Variants in RBFOX1 observed in about 807,000 individuals in gnomAD.
RBFOX1 encodes the protein RNA binding fox-1 homolog 1, also known as RNA binding protein fox-1 homolog 1.
Under a neutral mutation model 57.7 loss-of-function variants are expected in RBFOX1, and 8 were observed. The observed-to-expected ratio is 0.14, with a 90% confidence interval of 0.08 to 0.25. The LOEUF (loss-of-function observed/expected upper bound fraction) is 0.25, where lower values mean the gene tolerates loss of function less well. RBFOX1 is among the 10% of genes least tolerant of loss of function. The probability of loss-of-function intolerance (pLI) is 1.00; values close to 1 mark genes in which losing one functional copy is unlikely to be tolerated. For missense variants in RBFOX1, 611 were observed against 548.5 expected, an observed-to-expected ratio of 1.11 and a Z score of -1.14; for synonymous variants, 326 against 222.4, an observed-to-expected ratio of 1.47 and a Z score of -4.15.
At chr16:7,566,820 A>G (rs189385852) in intron 5 of RBFOX1, among the ~76,000 whole-genome samples, 6 of 152,192 alleles carry the variant, frequency 3.9e-5, no homozygotes, top group Admixed American at 2.6e-4. Context: ...AAGGGTGTCT[A>G]TGTATCCTCC....
At chr16:5,418,635 A>G (rs138478828) in intron 1 of RBFOX1, among the ~76,000 whole-genome samples, 10 of 152,134 alleles carry the variant, frequency 6.6e-5, no homozygotes, top group Middle Eastern at 6.8e-3. Flanking sequence ...CCACCCCGCC[A>G]TACCTCCCTT....
chr16:5,651,045 T>TCCC (rs1567347831), intron 3 of RBFOX1, among the ~76,000 whole-genome samples: 1 of 65,694 alleles, frequency 1.5e-5, no homozygotes, highest in African/African-American at 7.1e-5. Context: ...TCCTTCTTTT[T>TCCC]TTTTTTTTTT....
chr16:5,298,965 G>T (rs1284773217), intron 1 of RBFOX1, among the ~76,000 whole-genome samples: 1 of 129,154 alleles, frequency 7.7e-6, no homozygotes, highest in African/African-American at 3.0e-5. Flanking sequence ...AAAATGCACA[G>T]ATCTTAAGCA....
At chr16:6,288,211 C>A (rs949100897) in intron 1 of RBFOX1, among the ~76,000 whole-genome samples, 4 of 145,580 alleles carry the variant, frequency 2.7e-5, no homozygotes, top group Non-Finnish European at 6.0e-5. Flanking sequence ...TGTTTGTGGT[C>A]AACAATGCTT....
At chr16:7,028,007 AAGGAGAAGG>A (rs778268214) in intron 3 of RBFOX1, among the ~76,000 whole-genome samples, 35 of 152,064 alleles carry the variant, frequency 2.3e-4, no homozygotes, top group Non-Finnish European at 4.4e-4. Context: ...GGAAGGGAAG[AAGGAGAAGG>A]AAAGAAAGGA....
At chr16:7,625,612 G>A (rs2142280203) in intron 10 of RBFOX1, among the ~76,000 whole-genome samples, 1 of 152,266 alleles carries the variant, frequency 6.6e-6, no homozygotes, top group South Asian at 2.1e-4. Context: ...AGCTCTTGAA[G>A]CTAATTGGCC....
chr16:7,705,372 G>A lies in RBFOX1; in HGVS notation c.996-3684G>A, dbSNP rs2082099345. On this transcript the variant is annotated intron_variant, in intron 14 of 15. Transcript: ENST00000550418. ...ATAGAAAAATTAGCTGGGTGTGGTG[G>A]CAGGTACCTGTAGTCCCAGCTATTC... 2.6e-5 allele frequency among the ~76,000 whole-genome samples: 4 copies of A among 152,086 alleles called. No individual in the cohort carries two copies. The South Asian group carries it at 8.3e-4, about 32-fold the overall frequency.
intron 14 of RBFOX1, among the ~76,000 whole-genome samples, chr16:7,679,425 A>G (rs893781424): frequency 6.6e-6 from 1 of 152,206 alleles, no homozygotes; most frequent in African/African-American, 2.4e-5. Context: ...AACTTAACAG[A>G]AAAACTTCGT....
chr16:7,379,965 TC>T (rs1462611527), intron 4 of RBFOX1, among the ~76,000 whole-genome samples: 1 of 152,120 alleles, frequency 6.6e-6, no homozygotes, highest in Non-Finnish European at 1.5e-5. Flanking sequence ...AGCACAATCC[TC>T]CTGCCTCCTT....
chr16:7,315,460 C>G lies in RBFOX1; in HGVS notation c.28-202687C>G, dbSNP rs578139787. On this transcript the variant is annotated intron_variant, in intron 4 of 15. Coordinates refer to ENST00000550418, the MANE Select transcript of RBFOX1 (RefSeq NM_018723.4). Reference sequence around the variant, plus strand: ...ATTAAAGCCCTACTCTACCCTACCCCCCCCCCCATACTGGGGGCTTGAATT... The same window carrying G: ...ATTAAAGCCCTACTCTACCCTACCCGCCCCCCCATACTGGGGGCTTGAATT... Among the ~76,000 whole-genome samples the G allele has an allele frequency of 6.6e-3, 996 of 151,278 alleles. 30 individuals carry two copies. The highest frequency in any genetic ancestry group is 0.011 in the Non-Finnish European group (762 of 67,704).
chr16:6,988,246 C>A (rs1404229045), intron 3 of RBFOX1, among the ~76,000 whole-genome samples: 1 of 152,106 alleles, frequency 6.6e-6, no homozygotes, highest in Admixed American at 6.6e-5. Flanking sequence ...CTGGTTTTTC[C>A]AGGCAGGACT....
chr16:6,217,277 C>G (rs950812830), intron 1 of RBFOX1, among the ~76,000 whole-genome samples: 2 of 144,752 alleles, frequency 1.4e-5, no homozygotes, highest in African/African-American at 5.1e-5. Context: ...AAAATGTTGC[C>G]AAAAATGTCT....
At chr16:7,556,008 C>T (rs1197869124) in intron 5 of RBFOX1, among the ~76,000 whole-genome samples, 1 of 142,524 alleles carries the variant, frequency 7.0e-6, no homozygotes, top group East Asian at 1.9e-4. Flanking sequence ...GAATTGCATA[C>T]TTAGTGCTTA....
intron 1 of RBFOX1, among the ~76,000 whole-genome samples, chr16:5,458,573 G>A (rs557815515): frequency 1.3e-5 from 2 of 152,216 alleles, no homozygotes; most frequent in Admixed American, 6.5e-5. Flanking sequence ...TCAAAGGTTA[G>A]GCAAGGCCTC....
intron 1 of RBFOX1, among the ~76,000 whole-genome samples, chr16:6,279,337 G>A (rs920097511): frequency 2.6e-5 from 4 of 152,192 alleles, no homozygotes; most frequent in African/African-American, 9.6e-5. Context: ...CGTACCAAGT[G>A]CCAAGGCTGG....
rs542011660 is a variant in RBFOX1 at position 6,787,451 on chromosome 16, A to G, written c.-16+132801A>G. On this transcript the variant is annotated intron_variant, in intron 3 of 15. Transcript: ENST00000550418. ...AAATTATTTTATTTTTCTCCTGGTTATACAGTTAGAGTGTGAATTGGAGTC... is the reference window on the plus strand; with the variant it reads ...AAATTATTTTATTTTTCTCCTGGTTGTACAGTTAGAGTGTGAATTGGAGTC... 3.2e-4 allele frequency among the ~76,000 whole-genome samples: 49 copies of G among 152,306 alleles called. 1 individual carries two copies. Among genetic ancestry groups the G allele is most frequent in the Middle Eastern group, 3.4e-3 (1 of 294 alleles).
intron 3 of RBFOX1, among the ~76,000 whole-genome samples, chr16:6,743,184 G>T (rs143236169): frequency 6.6e-6 from 1 of 151,928 alleles, no homozygotes; most frequent in Non-Finnish European, 1.5e-5. Context: ...ATGAAATGTA[G>T]AGTTATAGCT....
chr16:6,379,525 C>CT (rs1274362703), intron 2 of RBFOX1, among the ~76,000 whole-genome samples: 1 of 151,884 alleles, frequency 6.6e-6, no homozygotes, highest in East Asian at 1.9e-4. Flanking sequence ...CTGAAAAAAA[C>CT]TGAGTATGAG....
intron 1 of RBFOX1, among the ~76,000 whole-genome samples, chr16:5,323,603 T>C (rs1401787886): frequency 6.6e-6 from 1 of 152,274 alleles, no homozygotes; most frequent in Non-Finnish European, 1.5e-5. Flanking sequence ...AGATCGACTT[T>C]TAAAGCAATA....
Sources: allele counts gnomAD v4.1 joint callset (sites outside exome capture counted in the v4.1 genomes callset), GRCh38; gene constraint gnomAD v4.1.1; transcripts MANE v1.5; gene names NCBI Gene and HGNC (gene_info 2026-07-23, HGNC 2026-07-21).